PCDHGA1: variants seen among roughly 807,000 people sequenced by gnomAD.
PCDHGA1 encodes the protein protocadherin gamma-A1.
In PCDHGA1, 32 loss-of-function variants were observed where a neutral mutation model predicts 58.0. The observed-to-expected ratio is 0.55, with a 90% confidence interval of 0.42 to 0.74. The LOEUF (loss-of-function observed/expected upper bound fraction) is 0.74. Ranked by LOEUF, PCDHGA1 falls within the 30% of genes least tolerant of loss-of-function variation. The probability of loss-of-function intolerance (pLI) is 0.00; values close to 1 mark genes in which losing one functional copy is unlikely to be tolerated. For synonymous variants in PCDHGA1, 498 were observed against 501.1 expected, an observed-to-expected ratio of 0.99 and a Z score of 0.08; for missense variants, 1,205 against 1,182.3, an observed-to-expected ratio of 1.02 and a Z score of -0.28.
chr5:141,427,454 T>C (rs62379160), intron 1 of PCDHGA1: 18,356 of 489,902 alleles, frequency 0.037, 441 homozygotes, highest in Middle Eastern at 0.11. Context: ...GAGTTCCTTT[T>C]AGAATCGAAT....
chr5:141,332,347 C>A lies in PCDHGA1; in HGVS notation c.1663C>A (p.Gln555Lys). The part of the protein sequence containing the change: ...NVSLSLFLLD[Q>K]NDNAPEILYP... ...GTCTCTCAGCCTATTCCTGCTGGAC[C>A]AGAACGACAACGCGCCCGAGATCCT... The change falls in exon 1 of 4, where the codon CAG (glutamine) becomes AAG (lysine). Residue 555 changes from glutamine to lysine, a missense_variant. By Grantham distance (53) the Gln-to-Lys change is moderately conservative. Transcript: ENST00000517417. This position sits in a 1 kb window ranked among gnomAD's most constrained non-coding sequence, Gnocchi z 4.6. 6.2e-7 allele frequency: 1 copy of A among 1,614,218 alleles called. No individual in the cohort carries two copies. The highest frequency in any genetic ancestry group is 1.1e-5 in the South Asian group (1 of 91,090).
At chr5:141,429,387 T>A (rs372199649) in intron 1 of PCDHGA1, among the ~76,000 whole-genome samples, 4,783 of 151,430 alleles carry the variant, frequency 0.032, 106 homozygotes, top group African/African-American at 0.043. Context: ...GTTTTTTTTT[T>A]AAAAAAAATT....
intron 1 of PCDHGA1, among the ~76,000 whole-genome samples, chr5:141,369,464 C>G (rs1013896891): frequency 6.6e-6 from 1 of 152,072 alleles, no homozygotes; most frequent in African/African-American, 2.4e-5. Flanking sequence ...GCCAGGTGTT[C>G]TAGCCCAGCC....
intron 1 of PCDHGA1, among the ~76,000 whole-genome samples, chr5:141,444,880 G>A (rs527554886): frequency 6.6e-6 from 1 of 152,150 alleles, no homozygotes; most frequent in Non-Finnish European, 1.5e-5. Context: ...AAGCTTGTAG[G>A]ATTTTTGAAT....
chr5:141,339,700 A>G (rs1453183516), intron 1 of PCDHGA1: 12 of 1,614,142 alleles, frequency 7.4e-6, no homozygotes, highest in Non-Finnish European at 1.0e-5. Flanking sequence ...CTGTTTTTAC[A>G]CAGCCCGAGT....
chr5:141,511,117 G>A lies in PCDHGA1; in HGVS notation c.2740G>A (p.Ala914Thr). Residue 914 changes from alanine to threonine, a missense_variant, in exon 4 of 4, where the codon GCC becomes ACC. Physicochemically the swap from Ala to Thr is moderately conservative, Grantham distance 58. Coordinates refer to ENST00000517417, the MANE Select transcript of PCDHGA1 (RefSeq NM_018912.3). ...TNAAGKRDGK[A>T]PAGGNGNKKK... ...CGCAGCTGGCAAGCGGGATGGCAAG[G>A]CCCCAGCAGGTGGCAATGGCAACAA... 6.2e-7 allele frequency: 1 copy of A among 1,614,216 alleles called. No homozygotes were observed. Among genetic ancestry groups the A allele is most frequent in the Non-Finnish European group, 8.5e-7 (1 of 1,180,026 alleles).
intron 2 of PCDHGA1, among the ~76,000 whole-genome samples, chr5:141,504,788 TC>T (rs1235410120): frequency 6.6e-6 from 1 of 152,070 alleles, no homozygotes; most frequent in Non-Finnish European, 1.5e-5. Context: ...TCTTGGGGCC[TC>T]CTACATCTCC....
intron 1 of PCDHGA1, chr5:141,389,851 C>T (rs375044667): frequency 6.2e-7 from 1 of 1,614,054 alleles, no homozygotes; most frequent in Non-Finnish European, 8.5e-7. Context: ...TCGGCCACTG[C>T]CACGTTGCAC....
chr5:141,359,835 C>T (rs985567227), intron 1 of PCDHGA1, among the ~76,000 whole-genome samples: 1 of 151,996 alleles, frequency 6.6e-6, no homozygotes, highest in Non-Finnish European at 1.5e-5. Flanking sequence ...TATTTTAAAA[C>T]AAATGAAGAC....
chr5:141,362,106 G>A, intron 1 of PCDHGA1: 1 of 1,612,496 alleles, frequency 6.2e-7, no homozygotes, highest in Non-Finnish European at 8.5e-7. Flanking sequence ...TCTCCGCTAC[G>A]GCCACGCTGC....
chr5:141,337,842 A>G (rs1051433489), intron 1 of PCDHGA1, among the ~76,000 whole-genome samples: 2 of 152,260 alleles, frequency 1.3e-5, no homozygotes, highest in African/African-American at 2.4e-5. Context: ...AATGAATATC[A>G]GAAAAAGAAC....
chr5:141,365,329 G>T (rs768826451), intron 1 of PCDHGA1: 1 of 1,613,968 alleles, frequency 6.2e-7, no homozygotes, highest in Non-Finnish European at 8.5e-7. Flanking sequence ...GCGCTAAGGT[G>T]GTGGTCACAG....
intron 1 of PCDHGA1, chr5:141,423,755 G>A (rs1236551808): frequency 2.5e-5 from 13 of 512,416 alleles, no homozygotes; most frequent in Non-Finnish European, 3.4e-5. Context: ...CTGTTTGGGG[G>A]GGGGGTGGGG....
Position 141,383,923 on chromosome 5 carries a change from G to T in PCDHGA1, c.2421+50818G>T, listed in dbSNP as rs201582947. On this transcript the variant is annotated intron_variant, in intron 1 of 3. Coordinates refer to ENST00000517417, the MANE Select transcript of PCDHGA1 (RefSeq NM_018912.3). ...ACTGATCACAGTTTTAGATGTAAAT[G>T]ATAATGCTCCAGAAGTGACTATGAC... 169 of 1,613,826 alleles carry T rather than the reference G, an allele frequency of 1.0e-4. No homozygotes were observed. Among genetic ancestry groups the T allele is most frequent in the Non-Finnish European group, 1.3e-4 (156 of 1,179,886 alleles).
intron 1 of PCDHGA1, chr5:141,384,443 A>T: frequency 6.2e-7 from 1 of 1,614,030 alleles, no homozygotes; most frequent in Non-Finnish European, 8.5e-7. Context: ...GGAGTCCTGT[A>T]CGCGCTGCAA....
chr5:141,375,624 T>G, intron 1 of PCDHGA1: 5 of 1,614,224 alleles, frequency 3.1e-6, no homozygotes, highest in Non-Finnish European at 3.4e-6. Flanking sequence ...ACTGGGATTC[T>G]GTACGCCCTG....
At chr5:141,354,514 A>G (rs1759561296) in intron 1 of PCDHGA1, among the ~76,000 whole-genome samples, 1 of 152,188 alleles carries the variant, frequency 6.6e-6, no homozygotes, top group South Asian at 2.1e-4. Flanking sequence ...TTTGCAAGGG[A>G]ATTGAAGCAT....
chr5:141,418,016 G>C (rs772945671), intron 1 of PCDHGA1: 1 of 1,613,968 alleles, frequency 6.2e-7, no homozygotes, highest in Non-Finnish European at 8.5e-7. Context: ...CCTCGCTAAG[G>C]ATCTAGGGCT....
intron 1 of PCDHGA1, chr5:141,357,399 AGG>A: frequency 6.2e-7 from 1 of 1,614,238 alleles, no homozygotes; most frequent in Non-Finnish European, 8.5e-7. Context: ...GCAGGTTGGC[AGG>A]TGTGCCTGCC....
Sources: gnomAD v4.1 joint callset for allele counts (sites outside exome capture counted in the v4.1 genomes callset) on GRCh38, gnomAD v4.1.1 for gene constraint, Gnocchi (gnomAD v3.1) non-coding constraint, MANE v1.5 for transcripts, NCBI Gene and HGNC (gene_info 2026-07-23, HGNC 2026-07-21) for gene names.